Variants in LNPK observed in about 807,000 individuals in gnomAD.
The protein encoded by LNPK is lunapark, ER junction formation factor, also known as endoplasmic reticulum junction formation protein lunapark.
Under a neutral mutation model 55.2 loss-of-function variants are expected in LNPK, and 29 were observed. The observed-to-expected ratio is 0.53, with a 90% CI of 0.39 to 0.72. The LOEUF (loss-of-function observed/expected upper bound fraction) is 0.72, where lower values mean the gene tolerates loss of function less well. Among genes scored for constraint, LNPK ranks in the 30% least tolerant of loss-of-function variants. The pLI is 0.00. For missense variants in LNPK, 467 were observed against 494.8 expected, an observed-to-expected ratio of 0.94 and a Z score of 0.53; for synonymous variants, 162 against 168.2, an observed-to-expected ratio of 0.96 and a Z score of 0.29.
At chr2:175,998,613 T>A (rs1688049362) in intron 1 of LNPK, among the ~76,000 whole-genome samples, 1 of 152,178 alleles carries the variant, frequency 6.6e-6, no homozygotes, top group African/African-American at 2.4e-5. Context: ...GTAAAATATA[T>A]GAAACCACCT....
intron 6 of LNPK, among the ~76,000 whole-genome samples, chr2:175,967,215 T>C (rs1429145157): frequency 6.6e-6 from 1 of 152,192 alleles, no homozygotes; most frequent in African/African-American, 2.4e-5. Flanking sequence ...GAATGAATCA[T>C]TTTTCTGTAA....
At position 175,929,708 on chromosome 2, in the gene LNPK, C is replaced by T. The variant is rs1440907823; in HGVS notation, c.*259G>A. 12 of 1,279,914 alleles carry T rather than the reference C, an allele frequency of 9.4e-6. No homozygotes were observed. The highest frequency in any genetic ancestry group is 1.1e-5 in the Non-Finnish European group (11 of 1,014,126). The allele number at this position is 1,279,914 out of a possible 1,614,324, so 79.3% of individuals were successfully genotyped here. The stretch of plus-strand genomic sequence containing the variant: ...CATGTTTGCTTACTTTTAGAATGGA[C>T]AAAAAAGTATCTAAAAGCTGTCTCA... On this transcript the variant is annotated 3_prime_UTR_variant, in exon 13 of 13. Coordinates refer to ENST00000272748, the MANE Select transcript of LNPK (RefSeq NM_030650.3).
At chr2:175,973,009 A>T (rs1686733042) in intron 5 of LNPK, among the ~76,000 whole-genome samples, 1 of 152,222 alleles carries the variant, frequency 6.6e-6, no homozygotes, top group Non-Finnish European at 1.5e-5. Context: ...TTTGTGTGGG[A>T]ATGGCAATCC....
chr2:175,940,978 T>G, intron 9 of LNPK: 1 of 454,912 alleles, frequency 2.2e-6, no homozygotes, highest in South Asian at 1.6e-5. Flanking sequence ...CCAGGCGCAG[T>G]AGCTCATGCC....
In LNPK at chr2:175,947,587, T is replaced by C. The variant is rs1685205480; in HGVS notation, c.599A>G (p.Asp200Gly). ...QVPVSPGPPK[D>G]SSAPGGPPER... ...TGGGGGTCCACCAGGGGCAGAACTG[T>C]CCTTTGGTGGTCCAGGAGATACTGG... The change falls in exon 9 of 13, where the codon GAC (aspartate) becomes GGC (glycine). Residue 200 changes from aspartate to glycine, a missense_variant. Physicochemically the swap from Asp to Gly is moderately conservative, Grantham distance 94 (BLOSUM62 -1). Coordinates refer to ENST00000272748, the MANE Select transcript of LNPK (RefSeq NM_030650.3). 2.5e-6 allele frequency: 4 copies of C among 1,613,984 alleles called. No homozygotes were observed. The highest frequency in any genetic ancestry group is 1.7e-6 in the Non-Finnish European group (2 of 1,179,912).
At chr2:175,950,818 T>A (rs1413926444) in intron 8 of LNPK, among the ~76,000 whole-genome samples, 1 of 152,128 alleles carries the variant, frequency 6.6e-6, no homozygotes, top group Non-Finnish European at 1.5e-5. Flanking sequence ...ACATGCGAAG[T>A]ACTTAACAGG....
chr2:175,993,192 C>G lies in LNPK; in HGVS notation c.59G>C (p.Ser20Thr), dbSNP rs200516458. 89 of 1,559,258 alleles carry G rather than the reference C, an allele frequency of 5.7e-5. No homozygotes were observed. In the South Asian group the frequency reaches 9.9e-4, roughly 17 times the overall value. ...AGCCAAAGAACATACCTTATCTATA[C>G]TTTCTAGAACTTCTACAGTTGAAGG... ...TKPSTVEVLE[S>T]IDKEIQALEE... The change falls in exon 3 of 13, where the codon AGT (serine) becomes ACT (threonine). Residue 20 changes from serine (S) to threonine (T), a missense_variant. By Grantham distance (58) the Ser-to-Thr change is moderately conservative (BLOSUM62 1). Transcript: ENST00000272748.
chr2:175,967,277 A>G (rs1289575638), intron 6 of LNPK, among the ~76,000 whole-genome samples: 1 of 152,234 alleles, frequency 6.6e-6, no homozygotes, highest in Non-Finnish European at 1.5e-5. Context: ...AGATAGAATA[A>G]TAAATACATG....
At chr2:175,991,940 T>C (rs899937721) in intron 4 of LNPK, among the ~76,000 whole-genome samples, 5 of 152,162 alleles carry the variant, frequency 3.3e-5, no homozygotes, top group Non-Finnish European at 7.4e-5. Context: ...CACTACTCCA[T>C]GCCCAGTGCC....
In LNPK at chr2:175,930,068, C is replaced by A; in HGVS notation, c.1186G>T (p.Glu396Ter). ...TCAATCACTGAGGCTTCCTCATTCT[C>A]AGTCTCTTGTTTCTCCTCTGGTTCC... ...SEEPEEKQET[E>*]NEEASVIETN... The change falls in exon 13 of 13, where the codon GAG becomes TAG. Residue 396 changes from glutamate (E) to a stop codon, truncating the protein, a stop_gained. Coordinates refer to ENST00000272748, the MANE Select transcript of LNPK (RefSeq NM_030650.3). LOFTEE classifies it high-confidence loss of function. The A allele has an allele frequency of 6.2e-7, 1 of 1,614,082 alleles. No homozygotes were observed. Among genetic ancestry groups the A allele is most frequent in the Non-Finnish European group, 8.5e-7 (1 of 1,179,974 alleles).
At chr2:175,956,037 T>C (rs1394808623) in intron 8 of LNPK, among the ~76,000 whole-genome samples, 1 of 152,104 alleles carries the variant, frequency 6.6e-6, no homozygotes, top group African/African-American at 2.4e-5. Flanking sequence ...TCTAGCACTT[T>C]GGGAGGCCGA....
chr2:175,932,086 ACCAATAAACATGTT>A (rs1559022091), intron 12 of LNPK: 1 of 435,956 alleles, frequency 2.3e-6, no homozygotes, highest in Admixed American at 2.5e-5. Context: ...GATGTAACTC[ACCAATAAACATGTT>A]TAAGTGAAAA....
rs554332202 is a variant in LNPK, at chr2:175,937,510, A to G, written c.888T>C (p.Phe296=). 1.1e-5 allele frequency: 17 copies of G among 1,607,488 alleles called. No individual in the cohort carries two copies. In the East Asian group the frequency reaches 3.8e-4, roughly 36 times the overall value. ...TCAAGAAAAAACAGTAGGCACATCG[A>G]AAAGCTGCAGAGAATTTTTTAAAAA... ...ALKEEFEYIA[F]RCAYCFFLNP... Residue 296 remains phenylalanine, a synonymous_variant, in exon 12 of 13, where the codon TTT becomes TTC. Coordinates refer to ENST00000272748, the MANE Select transcript of LNPK (RefSeq NM_030650.3).
chr2:175,937,095 A>G (rs1282676315), intron 12 of LNPK, among the ~76,000 whole-genome samples: 1 of 152,210 alleles, frequency 6.6e-6, no homozygotes, highest in Non-Finnish European at 1.5e-5. Context: ...CAGTTTTTAG[A>G]AAAGGTCACT....
intron 11 of LNPK, among the ~76,000 whole-genome samples, chr2:175,938,020 A>C (rs1347588193): frequency 6.6e-6 from 1 of 152,160 alleles, no homozygotes; most frequent in African/African-American, 2.4e-5. Flanking sequence ...TACTCAGTCC[A>C]TTAAAGGAGA....
Position 175,929,805 on chromosome 2 carries a change from A to G in LNPK, c.*162T>C, listed in dbSNP as rs896457070. Reference sequence around the variant, plus strand: ...TAACTTGCTTTTAATTTTAATACCCAGTATATATAACTTTGAGATGTTCAA... The same window carrying G: ...TAACTTGCTTTTAATTTTAATACCCGGTATATATAACTTTGAGATGTTCAA... On this transcript the variant is annotated 3_prime_UTR_variant, in exon 13 of 13. Coordinates refer to ENST00000272748, the MANE Select transcript of LNPK (RefSeq NM_030650.3). 14 of 1,439,594 alleles carry G rather than the reference A, an allele frequency of 9.7e-6. No homozygotes were observed. The highest frequency in any genetic ancestry group is 1.0e-5 in the Non-Finnish European group (11 of 1,100,064). The allele number at this position is 1,439,594 out of a possible 1,614,324, so 89.2% of individuals were successfully genotyped here.
chr2:175,967,931 G>A (rs1156915049), intron 6 of LNPK, among the ~76,000 whole-genome samples: 1 of 152,140 alleles, frequency 6.6e-6, no homozygotes, highest in African/African-American at 2.4e-5. Context: ...CCAATTTAAA[G>A]ACTTCTTTTG....
chr2:175,972,000 C>A (rs774631015), intron 5 of LNPK, among the ~76,000 whole-genome samples: 2 of 152,080 alleles, frequency 1.3e-5, no homozygotes, highest in African/African-American at 4.8e-5. Flanking sequence ...CTCACTGCAG[C>A]CTCTGCCTCC....
chr2:175,933,871 A>C lies in LNPK; in HGVS notation c.1054+3473T>G, dbSNP rs558709806. Among the ~76,000 whole-genome samples the C allele has an allele frequency of 3.3e-5, 5 of 151,686 alleles. No homozygotes were observed. The South Asian group carries it at 1.0e-3, about 32-fold the overall frequency. On this transcript the variant is annotated intron_variant, in intron 12 of 12. Transcript: ENST00000272748. ...CTCAGCCTCCCATGTAGCTGGGACT[A>C]CAGGTGCACGCCACCACACCTGGAT... is the stretch of plus-strand genomic sequence containing the variant.
Sources: gnomAD v4.1 joint callset for allele counts (sites outside exome capture counted in the v4.1 genomes callset) on GRCh38, gnomAD v4.1.1 for gene constraint, MANE v1.5 for transcripts, NCBI Gene and HGNC (gene_info 2026-07-23, HGNC 2026-07-21) for gene names.